The following SNCAIP variants were observed in gnomAD, a reference collection of about 807,000 sequenced individuals.
The protein encoded by SNCAIP is synphilin-1.
SNCAIP carries 43 observed loss-of-function variants against 86.7 expected under a neutral mutation model. The ratio of observed to expected loss-of-function variants is 0.50; its 90% CI spans 0.39 to 0.64. The LOEUF is 0.64. Ranked by LOEUF, SNCAIP falls within the 30% of genes least tolerant of loss-of-function variation. SNCAIP has a pLI of 0.00. For missense variants in SNCAIP, 981 were observed against 1,103.1 expected (o/e 0.89, Z 1.57); for synonymous variants, 417 against 427.2 (o/e 0.98, Z 0.29).
At chr5:122,315,466 G>A (rs902049881) in intron 1 of SNCAIP, among the ~76,000 whole-genome samples, 2 of 152,168 alleles carry the variant, frequency 1.3e-5, no homozygotes, top group African/African-American at 4.8e-5. Context: ...CAAGTCAGAA[G>A]GTTACCCCAG....
intron 1 of SNCAIP, among the ~76,000 whole-genome samples, chr5:122,348,139 C>T (rs1758996642): frequency 6.6e-6 from 1 of 152,104 alleles, no homozygotes; most frequent in Admixed American, 6.6e-5. Flanking sequence ...GGACATATGC[C>T]TTTCATTCCA....
Position 122,426,767 on chromosome 5 carries a change from T to C in SNCAIP, c.1182+1236T>C, listed in dbSNP as rs183098212. Among the ~76,000 whole-genome samples, 21 of 152,160 alleles carry C rather than the reference T, an allele frequency of 1.4e-4. No individual in the cohort carries two copies. In the East Asian group the frequency reaches 4.1e-3, roughly 29 times the overall value. On this transcript the variant is annotated intron_variant, in intron 5 of 10. Transcript: ENST00000261368. Reference sequence around the variant, plus strand: ...GGCAGCTATCATGAAGAAAGATAAATAGAACTAAACTACAGGCAGCTATCA... The same window carrying C: ...GGCAGCTATCATGAAGAAAGATAAACAGAACTAAACTACAGGCAGCTATCA...
intron 1 of SNCAIP, chr5:122,312,516 G>A: frequency 6.6e-6 from 1 of 152,414 alleles, no homozygotes; most frequent in Non-Finnish European, 1.5e-5. Context: ...GGCGGCAGCG[G>A]CTGCTTTACT....
intron 2 of SNCAIP, among the ~76,000 whole-genome samples, chr5:122,400,483 T>C (rs1055457964): frequency 6.6e-6 from 1 of 152,222 alleles, no homozygotes; most frequent in Non-Finnish European, 1.5e-5. Flanking sequence ...CATGCACATA[T>C]ACAAGTCAAA....
At chr5:122,436,088 AC>A (rs1367433685) in intron 6 of SNCAIP, among the ~76,000 whole-genome samples, 2 of 152,146 alleles carry the variant, frequency 1.3e-5, no homozygotes, top group African/African-American at 4.8e-5. Context: ...GGATATCCAT[AC>A]TCAAAAGACA....
chr5:122,369,601 C>T (rs1017867497), intron 1 of SNCAIP, among the ~76,000 whole-genome samples: 1 of 152,174 alleles, frequency 6.6e-6, no homozygotes, highest in African/African-American at 2.4e-5. Flanking sequence ...CTGTAGAGAA[C>T]CTTTGAACTC....
At chr5:122,367,551 A>G (rs1026822482) in intron 1 of SNCAIP, among the ~76,000 whole-genome samples, 3 of 152,060 alleles carry the variant, frequency 2.0e-5, no homozygotes, top group Non-Finnish European at 4.4e-5. Flanking sequence ...GTTTCTTTAG[A>G]GGATAGAGTA....
chr5:122,434,411 C>T (rs1340833826), intron 6 of SNCAIP, among the ~76,000 whole-genome samples: 3 of 152,086 alleles, frequency 2.0e-5, no homozygotes, highest in East Asian at 1.9e-4. Context: ...GCAGGTTTCT[C>T]ATAATTTTGA....
intron 1 of SNCAIP, among the ~76,000 whole-genome samples, chr5:122,317,551 T>C (rs1752016624): frequency 6.6e-6 from 1 of 152,074 alleles, no homozygotes; most frequent in South Asian, 2.1e-4. Context: ...CCTGGAGGCT[T>C]TTGGAAGGGG....
intron 8 of SNCAIP, among the ~76,000 whole-genome samples, chr5:122,449,409 G>C (rs1451625920): frequency 6.6e-6 from 1 of 151,992 alleles, no homozygotes; most frequent in East Asian, 1.9e-4. Context: ...ATAGTATTTT[G>C]TAGTTTCCTT....
chr5:122,420,824 C>A (rs1479832860), intron 3 of SNCAIP, among the ~76,000 whole-genome samples: 1 of 151,998 alleles, frequency 6.6e-6, no homozygotes, highest in East Asian at 1.9e-4. Context: ...TTTATGAGAC[C>A]AACTGTAATT....
At chr5:122,386,934 T>C (rs1217729479) in intron 1 of SNCAIP, among the ~76,000 whole-genome samples, 1 of 151,934 alleles carries the variant, frequency 6.6e-6, no homozygotes, top group Non-Finnish European at 1.5e-5. Flanking sequence ...ACAATACTCA[T>C]GGTGGACAAA....
At chr5:122,333,819 T>A (rs1412807370) in intron 1 of SNCAIP, among the ~76,000 whole-genome samples, 1 of 152,216 alleles carries the variant, frequency 6.6e-6, no homozygotes, top group Admixed American at 6.5e-5. Flanking sequence ...TTAAAGATTA[T>A]TAATTGCAAT....
intron 3 of SNCAIP, among the ~76,000 whole-genome samples, chr5:122,409,413 A>C (rs1773672656): frequency 6.6e-6 from 1 of 152,248 alleles, no homozygotes; most frequent in South Asian, 2.1e-4. Flanking sequence ...TTCTTATGAA[A>C]GAAGGCAGAT....
chr5:122,410,703 A>G (rs79090921), intron 3 of SNCAIP, among the ~76,000 whole-genome samples: 1 of 152,114 alleles, frequency 6.6e-6, no homozygotes, highest in Non-Finnish European at 1.5e-5. Context: ...CACCTCTGTA[A>G]TCCCCGGTAC....
At chr5:122,421,671 T>C (rs1776378923) in intron 3 of SNCAIP, among the ~76,000 whole-genome samples, 1 of 152,112 alleles carries the variant, frequency 6.6e-6, no homozygotes, top group African/African-American at 2.4e-5. Flanking sequence ...CCCCCTGAAA[T>C]CTCATCCTTT....
Position 122,399,830 on chromosome 5 carries a change from G to T in SNCAIP, c.58-3963G>T, listed in dbSNP as rs150663356. On this transcript the variant is annotated intron_variant, in intron 2 of 10. Coordinates refer to ENST00000261368, the MANE Select transcript of SNCAIP (RefSeq NM_005460.4). ...CAATGATTCTACAACTTCATCGTGC[G>T]TTATAATCACCCATATGGCTTGTGA... 3.4e-4 allele frequency among the ~76,000 whole-genome samples: 51 copies of T among 152,208 alleles called. No individual in the cohort carries two copies. The South Asian group carries it at 5.2e-3, about 15-fold the overall frequency.
chr5:122,346,093 A>G (rs1758572887), intron 1 of SNCAIP, among the ~76,000 whole-genome samples: 1 of 152,206 alleles, frequency 6.6e-6, no homozygotes, highest in African/African-American at 2.4e-5. Flanking sequence ...TAATAGACAT[A>G]TTAACTTTCC....
At chr5:122,322,508 A>G (rs1753159614) in intron 1 of SNCAIP, among the ~76,000 whole-genome samples, 1 of 152,236 alleles carries the variant, frequency 6.6e-6, no homozygotes, top group Admixed American at 6.5e-5. Context: ...TGGAAAGTTG[A>G]ATAAGGTCTA....
Sources: allele counts gnomAD v4.1 joint callset (sites outside exome capture counted in the v4.1 genomes callset), GRCh38; gene constraint gnomAD v4.1.1; transcripts MANE v1.5; gene names NCBI Gene and HGNC (gene_info 2026-07-23, HGNC 2026-07-21).